RAI14: variants seen among roughly 807,000 people sequenced by gnomAD.
The protein encoded by RAI14 is ankycorbin.
RAI14 carries 45 observed loss-of-function variants against 115.4 expected under a neutral mutation model. The observed-to-expected ratio is 0.39, with a 90% confidence interval of 0.31 to 0.50. RAI14 has a LOEUF of 0.50. Among genes scored for constraint, RAI14 ranks in the 20% least tolerant of loss-of-function variants. RAI14 has a pLI of 0.85. For missense variants in RAI14, 939 were observed against 1,131.2 expected (o/e 0.83, Z 2.44); for synonymous variants, 371 against 415.4 (o/e 0.89, Z 1.30).
intron 2 of RAI14, among the ~76,000 whole-genome samples, chr5:34,747,082 C>T (rs557250528): frequency 1.3e-5 from 2 of 152,312 alleles, no homozygotes; most frequent in South Asian, 2.1e-4. Context: ...TTTTTCTTCC[C>T]AGTCTCAGTT....
intron 3 of RAI14, among the ~76,000 whole-genome samples, chr5:34,778,798 G>A (rs1751235843): frequency 6.6e-6 from 1 of 150,608 alleles, no homozygotes. Flanking sequence ...TAAATATATT[G>A]GCATATAGAC....
At chr5:34,732,499 C>T (rs151276913) in intron 2 of RAI14, among the ~76,000 whole-genome samples, 3,573 of 145,672 alleles carry the variant, frequency 0.025, 128 homozygotes, top group African/African-American at 0.087. Flanking sequence ...AGTACAGTGG[C>T]GTGATCTTGG....
chr5:34,661,063 T>C (rs1014433818), intron 1 of RAI14, among the ~76,000 whole-genome samples: 1 of 152,226 alleles, frequency 6.6e-6, no homozygotes, highest in African/African-American at 2.4e-5. Flanking sequence ...GGTTGAGTAT[T>C]CTTTATTCCA....
At position 34,812,205 on chromosome 5, in the gene RAI14, G is replaced by C. The variant is rs1031063127; in HGVS notation, c.762G>C (p.Lys254Asn). 1 of 1,583,472 alleles carries C rather than the reference G, an allele frequency of 6.3e-7. No homozygotes were observed. Among genetic ancestry groups the C allele is most frequent in the Non-Finnish European group, 8.6e-7 (1 of 1,157,436 alleles). Residue 254 changes from lysine (K) to asparagine (N), a missense_variant, in exon 10 of 18, where the codon AAG becomes AAC. Physicochemically the swap from Lys to Asn is moderately conservative, Grantham distance 94. Coordinates refer to ENST00000265109, the MANE Select transcript of RAI14 (RefSeq NM_015577.3). ...ATTTAAAGACCCCAACAAAACCAAA[G>C]CAGGTATTTATCTTTGGGGGAGGCT... is the stretch of plus-strand genomic sequence containing the variant. ...DADLKTPTKPKQHDQVSKISS... is the reference protein window; with the variant it reads ...DADLKTPTKPNQHDQVSKISS...
At chr5:34,679,114 C>G (rs1744205124) in intron 1 of RAI14, among the ~76,000 whole-genome samples, 1 of 152,194 alleles carries the variant, frequency 6.6e-6, no homozygotes, top group African/African-American at 2.4e-5. Flanking sequence ...GTAAGCCTCT[C>G]ATGAGGTTGA....
chr5:34,662,721 A>ATTT (rs746930489), intron 1 of RAI14, among the ~76,000 whole-genome samples: 39,225 of 91,630 alleles, frequency 0.43, 10,190 homozygotes, highest in East Asian at 0.64. Context: ...ATTTAAACAG[A>ATTT]TTTTTTTTTT....
intron 12 of RAI14, among the ~76,000 whole-genome samples, chr5:34,814,992 A>G (rs1756034621): frequency 6.6e-6 from 1 of 152,224 alleles, no homozygotes; most frequent in African/African-American, 2.4e-5. Context: ...CACACCTGGA[A>G]TCCCAGCACT....
intron 2 of RAI14, among the ~76,000 whole-genome samples, chr5:34,744,730 A>G (rs1339733011): frequency 6.6e-6 from 1 of 152,226 alleles, no homozygotes; most frequent in African/African-American, 2.4e-5. Context: ...CTGCCTCAGG[A>G]TGGTCTATCA....
chr5:34,772,945 G>A (rs1043354698), intron 3 of RAI14, among the ~76,000 whole-genome samples: 2 of 152,288 alleles, frequency 1.3e-5, no homozygotes, highest in Admixed American at 6.5e-5. Flanking sequence ...AAGTCATTTT[G>A]TGTAAATCTT....
intron 2 of RAI14, among the ~76,000 whole-genome samples, chr5:34,746,096 C>CG (rs1472423980): frequency 6.8e-5 from 9 of 132,040 alleles, no homozygotes; most frequent in South Asian, 5.6e-4. Flanking sequence ...CCCCCTCCCC[C>CG]CCCCGCCTTT....
intron 2 of RAI14, among the ~76,000 whole-genome samples, chr5:34,740,443 G>A (rs1000811465): frequency 4.6e-5 from 7 of 152,298 alleles, no homozygotes; most frequent in Admixed American, 1.3e-4. Flanking sequence ...AGCCAAGACG[G>A]TTTTGGAGAA....
chr5:34,781,861 G>T (rs2150163136), intron 3 of RAI14, among the ~76,000 whole-genome samples: 1 of 152,264 alleles, frequency 6.6e-6, no homozygotes, highest in African/African-American at 2.4e-5. Flanking sequence ...AGAGTGTGGA[G>T]TGGGAAATCA....
chr5:34,730,746 G>A (rs934163184), intron 2 of RAI14, among the ~76,000 whole-genome samples: 3 of 152,200 alleles, frequency 2.0e-5, no homozygotes, highest in Admixed American at 1.3e-4. Context: ...ACTTTGGGAG[G>A]CCGAGGCAGG....
chr5:34,668,213 G>A (rs1228826817), intron 1 of RAI14, among the ~76,000 whole-genome samples: 2 of 152,096 alleles, frequency 1.3e-5, no homozygotes, highest in South Asian at 2.1e-4. Flanking sequence ...GGCCAACATG[G>A]TGAAACCCCA....
intron 3 of RAI14, among the ~76,000 whole-genome samples, chr5:34,780,739 T>C (rs1751510285): frequency 1.3e-5 from 2 of 152,136 alleles, no homozygotes; most frequent in Admixed American, 1.3e-4. Flanking sequence ...GGAGAGGATG[T>C]GGAGAAACAG....
intron 2 of RAI14, among the ~76,000 whole-genome samples, chr5:34,756,732 A>T (rs1747934123): frequency 1.3e-5 from 2 of 152,196 alleles, no homozygotes; most frequent in African/African-American, 4.8e-5. Flanking sequence ...ATCTGCTCTT[A>T]TATAGAAATC....
intron 3 of RAI14, among the ~76,000 whole-genome samples, chr5:34,778,710 T>C (rs1349754963): frequency 1.3e-5 from 2 of 150,108 alleles, no homozygotes; most frequent in South Asian, 2.1e-4. Flanking sequence ...GAGACCAGGC[T>C]GGGCAACACA....
chr5:34,687,080 C>T, intron 2 of RAI14, 125 bp downstream of exon 2: 1 of 976,760 alleles, frequency 1.0e-6, no homozygotes, highest in Non-Finnish European at 1.6e-6. Flanking sequence ...TGCTCTTGGC[C>T]CCAGCTCAGG....
At chr5:34,664,568 G>A (rs1323654674) in intron 1 of RAI14, among the ~76,000 whole-genome samples, 2 of 151,842 alleles carry the variant, frequency 1.3e-5, no homozygotes, top group Admixed American at 1.3e-4. Flanking sequence ...TTATCGATAA[G>A]ATATTCTGTT....
Sources: allele counts gnomAD v4.1 joint callset (sites outside exome capture counted in the v4.1 genomes callset), GRCh38; gene constraint gnomAD v4.1.1; transcripts MANE v1.5; gene names NCBI Gene and HGNC (gene_info 2026-07-23, HGNC 2026-07-21).